The following EPHB1 variants were observed in gnomAD, a reference collection of about 807,000 sequenced individuals.
EPHB1 encodes the protein EPH receptor B1.
EPHB1 carries 30 observed loss-of-function variants against 94.4 expected under a neutral mutation model. The ratio of observed to expected loss-of-function variants is 0.32; its 90% CI spans 0.24 to 0.43. The LOEUF is 0.43. Among genes scored for constraint, EPHB1 ranks in the 20% least tolerant of loss-of-function variants. EPHB1 has a pLI of 1.00. For synonymous variants in EPHB1, 522 were observed against 489.1 expected (o/e 1.07, Z -0.89); for missense variants, 1,055 against 1,308.3 (o/e 0.81, Z 2.99).
intron 1 of EPHB1, among the ~76,000 whole-genome samples, chr3:134,893,283 T>C (rs769676490): frequency 5.3e-5 from 8 of 152,198 alleles, no homozygotes; most frequent in Non-Finnish European, 1.2e-4. Flanking sequence ...ACCTAAACTA[T>C]GTTAACTGAA....
intron 3 of EPHB1, among the ~76,000 whole-genome samples, chr3:135,057,990 G>A (rs1283917458): frequency 6.6e-6 from 1 of 152,152 alleles, no homozygotes; most frequent in African/African-American, 2.4e-5. Context: ...TGAAACATTG[G>A]GATTTTGCCC....
chr3:134,966,666 C>T (rs1933759139), intron 3 of EPHB1, among the ~76,000 whole-genome samples: 1 of 152,272 alleles, frequency 6.6e-6, no homozygotes, highest in African/African-American at 2.4e-5. Context: ...GCAGCTAAGT[C>T]ACCAGGAAGC....
At chr3:134,934,696 GGGGGA>G (rs2038968438) in intron 2 of EPHB1, among the ~76,000 whole-genome samples, 1 of 151,452 alleles carries the variant, frequency 6.6e-6, no homozygotes, top group East Asian at 1.9e-4. Context: ...CGGTATGGGT[GGGGGA>G]GGGGAGTGGG....
chr3:135,252,223 TTA>T lies in EPHB1; in HGVS notation c.2846+2734_2846+2735del, dbSNP rs1410674104. On this transcript the variant is annotated intron_variant, in intron 15 of 15. Coordinates refer to ENST00000398015, the MANE Select transcript of EPHB1 (RefSeq NM_004441.5). ...TTTTTTAATATTTTTTATTTATTTTTTATTATTATACTTTAAGTTTTACGGTA... is the reference window on the plus strand; with the variant it reads ...TTTTTTAATATTTTTTATTTATTTTTTTATTATACTTTAAGTTTTACGGTA... 1.6e-4 allele frequency among the ~76,000 whole-genome samples: 25 copies of T among 151,706 alleles called. No homozygotes were observed. In the East Asian group the frequency reaches 4.2e-3, roughly 26 times the overall value.
At chr3:134,961,561 A>G (rs1933522352) in intron 3 of EPHB1, among the ~76,000 whole-genome samples, 1 of 152,188 alleles carries the variant, frequency 6.6e-6, no homozygotes, top group Admixed American at 6.5e-5. Context: ...GGTTGTCATC[A>G]GTCTCTCTCA....
chr3:135,132,946 C>G lies in EPHB1; in HGVS notation c.1194C>G (p.Ala398=), dbSNP rs900587213. Residue 398 remains alanine (A), a synonymous_variant, in exon 5 of 16, where the codon GCC becomes GCG. Coordinates refer to ENST00000398015, the MANE Select transcript of EPHB1 (RefSeq NM_004441.5). The part of the protein sequence containing the change: ...ECRVSISSLW[A]HTPYTFDIQA... ...GCGTCTCCATCAGCAGCCTGTGGGC[C>G]CACACCCCCTACACCTTTGACATCC... The G allele has an allele frequency of 3.1e-6, 5 of 1,613,894 alleles. No individual in the cohort carries two copies. The African/African-American group carries it at 6.7e-5, about 22-fold the overall frequency.
intron 3 of EPHB1, among the ~76,000 whole-genome samples, chr3:135,003,069 C>G (rs1445487612): frequency 6.6e-6 from 1 of 151,992 alleles, no homozygotes; most frequent in Non-Finnish European, 1.5e-5. Context: ...AATTTTTGAT[C>G]TCTCCTGCTT....
Position 135,132,805 on chromosome 3 carries a change from G to C in EPHB1, c.1053G>C (p.Arg351=), listed in dbSNP as rs2107687255. The change falls in exon 5 of 16, where the codon CGG becomes CGC. Residue 351 remains arginine, a synonymous_variant. Transcript: ENST00000398015. ...ACCCTCCAAGGGAGACAGGTGGGCG[G>C]GATGATGTGACCTACAACATCATCT... ...EWHPPRETGG[R]DDVTYNIICK... 4 of 1,613,966 alleles carry C rather than the reference G, an allele frequency of 2.5e-6. No homozygotes were observed. The highest frequency in any genetic ancestry group is 3.4e-6 in the Non-Finnish European group (4 of 1,179,882).
At chr3:134,926,033 AC>A (rs1452477120) in intron 2 of EPHB1, among the ~76,000 whole-genome samples, 153 bp downstream of exon 2, 1 of 152,190 alleles carries the variant, frequency 6.6e-6, no homozygotes, top group Admixed American at 6.5e-5. Flanking sequence ...CAAAGACAGC[AC>A]CAGGGGTCTC....
intron 3 of EPHB1, among the ~76,000 whole-genome samples, chr3:135,032,151 C>T (rs778531284): frequency 6.6e-6 from 1 of 151,726 alleles, no homozygotes; most frequent in East Asian, 1.9e-4. Context: ...AAAATTTATT[C>T]TAGTGCTTTT....
intron 12 of EPHB1, among the ~76,000 whole-genome samples, chr3:135,207,483 C>T (rs189219602): frequency 6.6e-6 from 1 of 152,294 alleles, no homozygotes; most frequent in African/African-American, 2.4e-5. Context: ...GACATTGTTA[C>T]TGCTCTCAGT....
At chr3:134,878,475 C>T (rs943498708) in intron 1 of EPHB1, among the ~76,000 whole-genome samples, 6 of 152,164 alleles carry the variant, frequency 3.9e-5, no homozygotes, top group African/African-American at 1.4e-4. Flanking sequence ...TCATCCCCTG[C>T]TAGAGAGAAG....
intron 10 of EPHB1, 36 bp from the exon 11 acceptor site, chr3:135,192,540 A>G: frequency 1.2e-6 from 2 of 1,605,582 alleles, no homozygotes; most frequent in Non-Finnish European, 1.7e-6. Flanking sequence ...CAGACTGAGA[A>G]GGAAGAGGAT....
At chr3:134,912,119 G>A (rs766719415) in intron 1 of EPHB1, among the ~76,000 whole-genome samples, 36 of 152,178 alleles carry the variant, frequency 2.4e-4, no homozygotes, top group African/African-American at 7.2e-4. Flanking sequence ...TTGCATGGGC[G>A]TGCAGGCTCT....
At chr3:135,064,554 T>A (rs1349813304) in intron 3 of EPHB1, among the ~76,000 whole-genome samples, 2 of 150,168 alleles carry the variant, frequency 1.3e-5, no homozygotes, top group East Asian at 3.8e-4. Flanking sequence ...ATCTCTTGTT[T>A]CATTTCTCAT....
At chr3:135,254,017 CTGT>C (rs1933250292) in intron 15 of EPHB1, among the ~76,000 whole-genome samples, 1 of 111,810 alleles carries the variant, frequency 8.9e-6, no homozygotes, top group Non-Finnish European at 1.8e-5. Flanking sequence ...CTCTGTTTGT[CTGT>C]TGTTGGTGTA....
At chr3:134,803,754 C>T (rs1188740631) in intron 1 of EPHB1, among the ~76,000 whole-genome samples, 1 of 152,212 alleles carries the variant, frequency 6.6e-6, no homozygotes, top group African/African-American at 2.4e-5. Context: ...GTTTGCCAAA[C>T]TCCCTGGGCC....
chr3:135,159,276 T>C (rs1941446354), intron 6 of EPHB1, among the ~76,000 whole-genome samples: 1 of 152,256 alleles, frequency 6.6e-6, no homozygotes. Context: ...AGAACTAATA[T>C]TCATTTTAAT....
At chr3:134,958,776 C>T (rs911212521) in intron 3 of EPHB1, among the ~76,000 whole-genome samples, 3 of 152,092 alleles carry the variant, frequency 2.0e-5, no homozygotes, top group East Asian at 3.9e-4. Context: ...ACTGTGACAC[C>T]GGCATGAGCA....
Sources: allele counts gnomAD v4.1 joint callset (sites outside exome capture counted in the v4.1 genomes callset), GRCh38; gene constraint gnomAD v4.1.1; transcripts MANE v1.5; gene names NCBI Gene and HGNC (gene_info 2026-07-23, HGNC 2026-07-21).